Variants in HTR4 observed in about 807,000 individuals in gnomAD.
HTR4 encodes the protein 5-hydroxytryptamine receptor 4, also known as 5-hydroxytryptamine (serotonin) receptor 4, G protein-coupled.
In HTR4, 16 loss-of-function variants were observed where a neutral mutation model predicts 36.8. The ratio of observed to expected loss-of-function variants is 0.43; its 90% CI spans 0.29 to 0.66. The LOEUF (loss-of-function observed/expected upper bound fraction) is 0.66. Among genes scored for constraint, HTR4 ranks in the 30% least tolerant of loss-of-function variants. The probability of loss-of-function intolerance (pLI) is 0.13; values close to 1 mark genes in which losing one functional copy is unlikely to be tolerated. For missense variants in HTR4, 438 were observed against 490.9 expected, an observed-to-expected ratio of 0.89 and a Z score of 1.02; for synonymous variants, 189 against 185.1, an observed-to-expected ratio of 1.02 and a Z score of -0.17.
At chr5:148,524,805 C>A (rs978515748) in intron 4 of HTR4, among the ~76,000 whole-genome samples, 4 of 152,154 alleles carry the variant, frequency 2.6e-5, no homozygotes, top group Non-Finnish European at 5.9e-5. Context: ...CTCTTCTTTT[C>A]TTTTCTTAAT....
chr5:148,648,965 A>AT (rs1753953244), intron 1 of HTR4, among the ~76,000 whole-genome samples: 1 of 152,110 alleles, frequency 6.6e-6, no homozygotes, highest in African/African-American at 2.4e-5. Context: ...ATAAATCCTA[A>AT]TTTTTTGTTT....
At chr5:148,631,098 T>C (rs1753306127) in intron 2 of HTR4, among the ~76,000 whole-genome samples, 1 of 152,150 alleles carries the variant, frequency 6.6e-6, no homozygotes, top group Non-Finnish European at 1.5e-5. Context: ...ATGTATCTTC[T>C]TCCTTCTAGT....
rs1445672959 is a variant in HTR4 at position 148,457,729 on chromosome 5, AATATATTTTGGT to A, written c.1077-6469_1077-6458del. ...AAAATATATTTTGATATATCATTAA[AATATATTTTGGT>A]ATATCATTAAAATATATTTTGGTAT... On this transcript the variant is annotated intron_variant, in intron 5 of 5. Coordinates refer to the HTR4 transcript ENST00000521530. Among the ~76,000 whole-genome samples the A allele has an allele frequency of 3.3e-3, 475 of 145,456 alleles. 5 individuals carry two copies. The highest frequency in any genetic ancestry group is 0.011 in the African/African-American group (457 of 40,080).
At chr5:148,559,873 C>T (rs1019291158) in intron 2 of HTR4, among the ~76,000 whole-genome samples, 13 of 152,074 alleles carry the variant, frequency 8.5e-5, no homozygotes, top group African/African-American at 1.9e-4. Flanking sequence ...TTCTTTTCCC[C>T]GCTTATAAAG....
At chr5:148,651,679 G>A (rs958619032) in intron 1 of HTR4, among the ~76,000 whole-genome samples, 1 of 151,612 alleles carries the variant, frequency 6.6e-6, no homozygotes, top group African/African-American at 2.4e-5. Flanking sequence ...TGCATGCTGT[G>A]AAGTTACCTT....
intron 6 of HTR4, among the ~76,000 whole-genome samples, chr5:148,489,556 G>A (rs938648834): frequency 3.9e-5 from 6 of 152,202 alleles, no homozygotes; most frequent in African/African-American, 1.4e-4. Context: ...GGGCAGGAAA[G>A]TTTAGAGAAC....
chr5:148,600,576 A>G (rs766122916), intron 2 of HTR4, among the ~76,000 whole-genome samples: 25 of 151,866 alleles, frequency 1.6e-4, no homozygotes, highest in Non-Finnish European at 3.1e-4. Flanking sequence ...TTTATACACT[A>G]GTAAGAAACT....
intron 2 of HTR4, among the ~76,000 whole-genome samples, chr5:148,566,896 T>TC (rs565321752): frequency 7.2e-5 from 11 of 152,222 alleles, no homozygotes; most frequent in African/African-American, 2.6e-4. Flanking sequence ...TTTCTTCATT[T>TC]TTTTTTTTAC....
intron 6 of HTR4, among the ~76,000 whole-genome samples, chr5:148,507,924 ATTCT>A (rs1757302523): frequency 6.6e-6 from 1 of 152,190 alleles, no homozygotes. Context: ...TTATGGTTGA[ATTCT>A]TTCTATGACA....
chr5:148,481,535 C>CT (rs746300490), downstream of HTR4: 3,723 of 1,400,470 alleles, frequency 2.7e-3, no homozygotes, highest in Non-Finnish European at 3.0e-3. Flanking sequence ...GACAGAGAGG[C>CT]TTTTTTTTTT....
chr5:148,485,668 C>T (rs1374596028), intron 6 of HTR4, among the ~76,000 whole-genome samples: 4 of 151,926 alleles, frequency 2.6e-5, no homozygotes, highest in East Asian at 1.9e-4. Flanking sequence ...TTTTCTGTGA[C>T]GTAGAACTAG....
intron 4 of HTR4, among the ~76,000 whole-genome samples, chr5:148,543,518 G>T (rs1476010968): frequency 6.6e-6 from 1 of 152,126 alleles, no homozygotes; most frequent in African/African-American, 2.4e-5. Flanking sequence ...CAACTCACTG[G>T]CATATATCAT....
intron 5 of HTR4, among the ~76,000 whole-genome samples, chr5:148,470,611 G>A (rs536231306): frequency 1.3e-5 from 2 of 152,196 alleles, no homozygotes; most frequent in South Asian, 2.1e-4. Context: ...AACATTTTTA[G>A]CTCAAGGATC....
intron 2 of HTR4, among the ~76,000 whole-genome samples, chr5:148,595,952 G>A (rs1251967238): frequency 1.3e-5 from 2 of 152,118 alleles, no homozygotes; most frequent in Admixed American, 6.5e-5. Context: ...TAAAAGTATC[G>A]TACAGATGAT....
intron 5 of HTR4, chr5:148,520,858 C>G: frequency 1.2e-5 from 17 of 1,365,714 alleles, no homozygotes; most frequent in South Asian, 2.3e-5. Flanking sequence ...AGTTACACTT[C>G]TAATTCACTC....
chr5:148,482,216 T>C lies in HTR4; in HGVS notation c.*987A>G, dbSNP rs1010031975. 8.1e-6 allele frequency: 8 copies of C among 985,332 alleles called. No individual in the cohort carries two copies. Among genetic ancestry groups the C allele is most frequent in the Non-Finnish European group, 9.6e-6 (8 of 829,998 alleles). The allele number at this position is 985,332 out of a possible 1,614,324, so 61.0% of individuals were successfully genotyped here. ...TGGGGGAGCTGCAGGGGAAAATGAG[T>C]TTCCCCAGTGTGAACTTCCAACAGT... On this transcript the variant is annotated 3_prime_UTR_variant, in exon 7 of 7. Transcript: ENST00000377888.
chr5:148,654,515 G>T lies in HTR4; in HGVS notation c.-501C>A, dbSNP rs906725420. On this transcript the variant is annotated 5_prime_UTR_variant, in exon 1 of 7. Transcript: ENST00000377888. The stretch of plus-strand genomic sequence containing the variant: ...CCAGCACGCGCCCTCCCTGGCCGGA[G>T]CGCTGCTCATCTGATGGAGGGCAGG... 11 of 985,120 alleles carry T rather than the reference G, an allele frequency of 1.1e-5. No individual in the cohort carries two copies. The highest frequency in any genetic ancestry group is 1.3e-5 in the Non-Finnish European group (11 of 829,714). 61.0% of individuals were successfully genotyped at this position (985,120 alleles called of 1,614,324 possible).
chr5:148,491,631 A>G (rs943860295), intron 6 of HTR4, among the ~76,000 whole-genome samples: 1 of 152,140 alleles, frequency 6.6e-6, no homozygotes, highest in Admixed American at 6.6e-5. Context: ...ACAACCAAAA[A>G]TGCCACCAGA....
At chr5:148,620,165 C>T (rs911046480) in intron 2 of HTR4, among the ~76,000 whole-genome samples, 5 of 152,048 alleles carry the variant, frequency 3.3e-5, no homozygotes, top group African/African-American at 7.2e-5. Flanking sequence ...TTCACAGCCT[C>T]GACAAAGAAG....
Sources: allele counts gnomAD v4.1 joint callset (sites outside exome capture counted in the v4.1 genomes callset), GRCh38; gene constraint gnomAD v4.1.1; transcripts MANE v1.5; gene names NCBI Gene and HGNC (gene_info 2026-07-23, HGNC 2026-07-21).